STARD13: variants seen among roughly 807,000 people sequenced by gnomAD.
The protein encoded by STARD13 is stAR-related lipid transfer protein 13.
In STARD13, 62 loss-of-function variants were observed where a neutral mutation model predicts 106.4. That is an observed-to-expected ratio of 0.58 (90% CI 0.48 to 0.72). The LOEUF is 0.72. Ranked by LOEUF, STARD13 falls within the 30% of genes least tolerant of loss-of-function variation. STARD13 has a pLI of 0.00. For missense variants in STARD13, 1,387 were observed against 1,424.0 expected (o/e 0.97, Z 0.42); for synonymous variants, 565 against 553.0 (o/e 1.02, Z -0.31).
chr13:33,604,721 T>C, the STARD13 span, among the ~76,000 whole-genome samples: 26 of 151,436 alleles, frequency 1.7e-4, no homozygotes, highest in African/African-American at 6.3e-4. Flanking sequence ...ATTGCTTTAA[T>C]CTGGGAGGCA....
At chr13:33,533,813 T>C in the STARD13 span, among the ~76,000 whole-genome samples, 1 of 152,208 alleles carries the variant, frequency 6.6e-6, no homozygotes, top group Non-Finnish European at 1.5e-5. Flanking sequence ...GGACTGGATA[T>C]AAAGCTCTAG....
the STARD13 span, among the ~76,000 whole-genome samples, chr13:33,516,311 A>C: frequency 2.0e-5 from 3 of 150,796 alleles, no homozygotes; most frequent in South Asian, 6.3e-4. Flanking sequence ...GTATTACTGA[A>C]ACCCAGGGCA....
At chr13:33,365,988 G>A in the STARD13 span, among the ~76,000 whole-genome samples, 1 of 151,762 alleles carries the variant, frequency 6.6e-6, no homozygotes, top group South Asian at 2.1e-4. Context: ...TCCATTGATA[G>A]TTTTCTTTTT....
At chr13:33,308,378 T>A (rs114676387) in intron 1 of STARD13, among the ~76,000 whole-genome samples, 1,536 of 152,200 alleles carry the variant, frequency 0.01, 36 homozygotes, top group African/African-American at 0.035. Context: ...ATATATATAT[T>A]TTTTAAGTGT....
chr13:33,648,874 C>G, the STARD13 span, among the ~76,000 whole-genome samples: 1 of 144,224 alleles, frequency 6.9e-6, no homozygotes, highest in Non-Finnish European at 1.5e-5. Flanking sequence ...TCACCGCAAC[C>G]TCCGCCTCCC....
At chr13:33,664,559 G>T in the STARD13 span, among the ~76,000 whole-genome samples, 831 of 152,208 alleles carry the variant, frequency 5.5e-3, 15 homozygotes, top group East Asian at 0.071. Context: ...TTCATGTCTT[G>T]TTCTTGTTGA....
chr13:33,333,888 T>C (rs1220990452), intron 1 of STARD13: 2 of 152,230 alleles, frequency 1.3e-5, no homozygotes, highest in Non-Finnish European at 2.9e-5. Context: ...CAAGAGTCAG[T>C]GTGACTTGAA....
intron 3 of STARD13, among the ~76,000 whole-genome samples, chr13:33,154,895 C>G (rs7327624): frequency 0.021 from 3,228 of 152,210 alleles, 122 homozygotes; most frequent in African/African-American, 0.075. Context: ...CTCAGGAGCC[C>G]ACCCCTCACT....
chr13:33,444,520 C>A, the STARD13 span, among the ~76,000 whole-genome samples: 1 of 152,136 alleles, frequency 6.6e-6, no homozygotes, highest in Admixed American at 6.5e-5. Flanking sequence ...AATCCCAGTA[C>A]TTTGGGAGGC....
the STARD13 span, among the ~76,000 whole-genome samples, chr13:33,401,811 C>G: frequency 1.3e-5 from 2 of 152,220 alleles, no homozygotes; most frequent in Non-Finnish European, 2.9e-5. Context: ...GCCAACAAGG[C>G]CCACAGGTGA....
At chr13:33,609,641 A>G in the STARD13 span, among the ~76,000 whole-genome samples, 5 of 148,658 alleles carry the variant, frequency 3.4e-5, no homozygotes, top group Non-Finnish European at 5.9e-5. Context: ...ACCTCGGCTC[A>G]CTGCAAGCTC....
the STARD13 span, chr13:33,524,396 GT>G: frequency 4.3e-6 from 2 of 465,660 alleles, no homozygotes; most frequent in Non-Finnish European, 3.2e-6. Flanking sequence ...TTTTAAAGAG[GT>G]TTTTTTCATA....
the STARD13 span, among the ~76,000 whole-genome samples, chr13:33,590,420 G>T: frequency 2.0e-5 from 3 of 151,830 alleles, no homozygotes; most frequent in South Asian, 2.1e-4. Context: ...TGCGGCACTA[G>T]TCACAATAGC....
the STARD13 span, among the ~76,000 whole-genome samples, chr13:33,444,314 TTCATGGATAACTATTAGAATTATC>T: frequency 2.6e-5 from 4 of 152,180 alleles, no homozygotes. Context: ...TCATGGATAA[TTCATGGATAACTATTAGAATTATC>T]TCATGGATAA....
At chr13:33,414,926 A>T in the STARD13 span, among the ~76,000 whole-genome samples, 1 of 152,196 alleles carries the variant, frequency 6.6e-6, no homozygotes, top group African/African-American at 2.4e-5. Context: ...CAACCTCTAG[A>T]TAGGAATCGT....
chr13:33,495,961 G>T, the STARD13 span, among the ~76,000 whole-genome samples: 3 of 139,506 alleles, frequency 2.2e-5, no homozygotes, highest in African/African-American at 5.2e-5. Context: ...ATTATATATA[G>T]TTAATATATA....
intron 2 of STARD13, among the ~76,000 whole-genome samples, chr13:33,165,860 A>T (rs1326135099): frequency 1.3e-5 from 2 of 152,106 alleles, no homozygotes; most frequent in African/African-American, 4.8e-5. Context: ...ATCATCTGAA[A>T]TTTTTTTTAG....
chr13:33,358,000 C>G, the STARD13 span, among the ~76,000 whole-genome samples: 2 of 152,064 alleles, frequency 1.3e-5, no homozygotes, highest in Non-Finnish European at 2.9e-5. Context: ...GAGCGGGAAC[C>G]GGGGCTGCGT....
rs550641116 is a variant in STARD13, at chr13:33,110,865, C to T, written c.2650G>A (p.Glu884Lys). Residue 884 changes from glutamate (E) to lysine (K), a missense_variant, in exon 11 of 14, where the codon GAG becomes AAG. By Grantham distance (56) the Glu-to-Lys change is moderately conservative (BLOSUM62 1). Coordinates refer to ENST00000336934, the MANE Select transcript of STARD13 (RefSeq NM_178006.4). The stretch of plus-strand genomic sequence containing the variant: ...AGGGTTGGCACGTGGATCTCAGCCT[C>T]CACATACGAGTTACGAGACTGGGCC... ...LVAQSRNSYV[E>K]AEIHVPTLEE... The T allele has an allele frequency of 7.4e-5, 119 of 1,613,720 alleles. No homozygotes were observed. Among genetic ancestry groups the T allele is most frequent in the Non-Finnish European group, 9.4e-5 (111 of 1,180,042 alleles).
Sources: gnomAD v4.1 joint callset for allele counts (sites outside exome capture counted in the v4.1 genomes callset) on GRCh38, gnomAD v4.1.1 for gene constraint, MANE v1.5 for transcripts, NCBI Gene and HGNC (gene_info 2026-07-23, HGNC 2026-07-21) for gene names.